Variants in RERE observed in about 807,000 individuals in gnomAD.
The protein encoded by RERE is arginine-glutamic acid dipeptide repeats protein.
In RERE, 40 loss-of-function variants were observed where a neutral mutation model predicts 146.1. That is an observed-to-expected ratio of 0.27 (90% CI 0.21 to 0.36). The LOEUF (loss-of-function observed/expected upper bound fraction) is 0.36. Ranked by LOEUF, RERE falls within the 10% of genes least tolerant of loss-of-function variation. The pLI is 1.00. For missense variants in RERE, 1,933 were observed against 2,138.7 expected (o/e 0.90, Z 1.90); for synonymous variants, 1,003 against 866.0 (o/e 1.16, Z -2.78).
At chr1:8,481,555 G>A (rs767320325) in intron 10 of RERE, among the ~76,000 whole-genome samples, 1 of 152,186 alleles carries the variant, frequency 6.6e-6, no homozygotes, top group African/African-American at 2.4e-5. Flanking sequence ...TTGCCTCATA[G>A]AATTGTTATG....
At chr1:8,707,786 G>A (rs1245281617) in intron 1 of RERE, among the ~76,000 whole-genome samples, 1 of 152,192 alleles carries the variant, frequency 6.6e-6, no homozygotes, top group Non-Finnish European at 1.5e-5. Flanking sequence ...TAGGATGCTA[G>A]GGTGGAGAGG....
intron 1 of RERE, among the ~76,000 whole-genome samples, chr1:8,727,678 G>A (rs1639999537): frequency 6.6e-6 from 1 of 152,012 alleles, no homozygotes; most frequent in Non-Finnish European, 1.5e-5. Flanking sequence ...ATTTTTGGTA[G>A]AGACGGTGTT....
intron 12 of RERE, among the ~76,000 whole-genome samples, chr1:8,413,073 C>T (rs1643657047): frequency 6.6e-6 from 1 of 152,112 alleles, no homozygotes. Flanking sequence ...TAATTATCTA[C>T]CCATGATTAC....
intron 12 of RERE, among the ~76,000 whole-genome samples, chr1:8,408,184 G>T (rs1375375940): frequency 6.6e-6 from 1 of 151,802 alleles, no homozygotes; most frequent in African/African-American, 2.4e-5. Context: ...CTTAACCTTG[G>T]CTAAGTTAAC....
chr1:8,752,749 C>A (rs1302680403), intron 1 of RERE, among the ~76,000 whole-genome samples: 1 of 152,138 alleles, frequency 6.6e-6, no homozygotes, highest in African/African-American at 2.4e-5. Flanking sequence ...AGGAAACTTA[C>A]CAGAGACAGT....
intron 1 of RERE, among the ~76,000 whole-genome samples, chr1:8,658,093 G>A (rs1281858011): frequency 1.3e-5 from 2 of 152,098 alleles, no homozygotes; most frequent in African/African-American, 4.8e-5. Flanking sequence ...TTTATAGCAG[G>A]AAAAAATTTT....
At chr1:8,768,113 T>C (rs1175740483) in intron 1 of RERE, among the ~76,000 whole-genome samples, 1 of 152,210 alleles carries the variant, frequency 6.6e-6, no homozygotes, top group Non-Finnish European at 1.5e-5. Context: ...TCATGAGGCA[T>C]CCATTAGCTG....
chr1:8,501,993 T>C (rs1173329114), intron 8 of RERE, among the ~76,000 whole-genome samples: 1 of 40,448 alleles, frequency 2.5e-5, no homozygotes, highest in African/African-American at 9.8e-5. Flanking sequence ...GGTGGGGGGG[T>C]CAGCCCCCCG....
rs372539432 is a variant in RERE, at chr1:8,361,011, C to A, written c.2496G>T (p.Ser832=). The A allele has an allele frequency of 7.0e-7, 1 of 1,434,182 alleles. No homozygotes were observed. The allele number at this position is 1,434,182 out of a possible 1,614,324, so 88.8% of individuals were successfully genotyped here. The part of the protein sequence containing the change: ...PHPPLQPLTG[S]AGQPSAPSHA... ...GAGAGGGTGCAGAAGGCTGGCCCGCCGACCCAGTCAGAGGCTGCAGCGGGG... is the reference window on the plus strand; with the variant it reads ...GAGAGGGTGCAGAAGGCTGGCCCGCAGACCCAGTCAGAGGCTGCAGCGGGG... Residue 832 remains serine, a synonymous_variant, in exon 18 of 23, where the codon TCG becomes TCT. Coordinates refer to ENST00000400908, the MANE Select transcript of RERE (RefSeq NM_001042681.2).
At chr1:8,488,242 T>G (rs1396159130) in intron 10 of RERE, among the ~76,000 whole-genome samples, 1 of 152,084 alleles carries the variant, frequency 6.6e-6, no homozygotes, top group Non-Finnish European at 1.5e-5. Flanking sequence ...ACTTTTTATT[T>G]TTTATTATTA....
intron 1 of RERE, among the ~76,000 whole-genome samples, chr1:8,675,531 A>G (rs1042954321): frequency 1.3e-5 from 2 of 150,240 alleles, no homozygotes; most frequent in African/African-American, 2.4e-5. Flanking sequence ...AAAATTAGAC[A>G]GGCGTGGTGG....
chr1:8,734,391 T>A (rs1159680883), intron 1 of RERE, among the ~76,000 whole-genome samples: 1 of 152,186 alleles, frequency 6.6e-6, no homozygotes, highest in Non-Finnish European at 1.5e-5. Context: ...CTGGTCATCC[T>A]AGAGTAGAAA....
intron 1 of RERE, among the ~76,000 whole-genome samples, chr1:8,761,694 GATCACCTA>G (rs1640759533): frequency 6.6e-6 from 1 of 152,092 alleles, no homozygotes; most frequent in Admixed American, 6.6e-5. Context: ...GAGGCAGGCA[GATCACCTA>G]AGGTCAGGAG....
intron 8 of RERE, among the ~76,000 whole-genome samples, chr1:8,504,384 A>T (rs768142188): frequency 2.6e-5 from 4 of 152,256 alleles, no homozygotes; most frequent in Non-Finnish European, 5.9e-5. Context: ...CCCAAAATGG[A>T]TCTTTTAATC....
rs778633412 is a variant in RERE, at chr1:8,617,937, AC to A, written c.397-3252del. 2.0e-5 allele frequency among the ~76,000 whole-genome samples: 3 copies of A among 152,336 alleles called. No homozygotes were observed. The East Asian group carries it at 5.8e-4, about 29-fold the overall frequency. On this transcript the variant is annotated intron_variant, in intron 3 of 22. Coordinates refer to ENST00000400908, the MANE Select transcript of RERE (RefSeq NM_001042681.2). ...TCTATACATTACACACTGCAGGCTA[AC>A]CAAAGGTAATTGAGTAGACTTCTTT...
At chr1:8,668,580 T>C (rs1050390710) in intron 1 of RERE, among the ~76,000 whole-genome samples, 9 of 152,040 alleles carry the variant, frequency 5.9e-5, no homozygotes, top group Non-Finnish European at 8.8e-5. Flanking sequence ...CACAAGCAGA[T>C]GGGTAAATAA....
chr1:8,638,995 G>C (rs1331221571), intron 2 of RERE, among the ~76,000 whole-genome samples: 1 of 151,868 alleles, frequency 6.6e-6, no homozygotes, highest in African/African-American at 2.4e-5. Flanking sequence ...GGATGGTCTC[G>C]ATCTCCTGAT....
chr1:8,736,896 T>C (rs559559690), intron 1 of RERE, among the ~76,000 whole-genome samples: 1 of 151,672 alleles, frequency 6.6e-6, no homozygotes, highest in East Asian at 1.9e-4. Context: ...TGGAGAGTCA[T>C]TGTTTGACAT....
intron 1 of RERE, chr1:8,796,741 T>C (rs1428884783): frequency 6.6e-6 from 1 of 151,824 alleles, no homozygotes; most frequent in Admixed American, 6.6e-5. Context: ...GGCATAAAAC[T>C]ATAGAAAAAT....
Sources: gnomAD v4.1 joint callset for allele counts (sites outside exome capture counted in the v4.1 genomes callset) on GRCh38, gnomAD v4.1.1 for gene constraint, MANE v1.5 for transcripts, NCBI Gene and HGNC (gene_info 2026-07-23, HGNC 2026-07-21) for gene names.